Variants in GNA14 observed in about 807,000 individuals in gnomAD.
The protein encoded by GNA14 is G protein subunit alpha 14, also known as guanine nucleotide-binding protein subunit alpha-14.
In GNA14, 50 loss-of-function variants were observed where a neutral mutation model predicts 42.0. That is an observed-to-expected ratio of 1.19 (90% confidence interval 0.95 to 1.51). The LOEUF is 1.51. Among genes scored for constraint, GNA14 ranks in the 40% most tolerant of loss-of-function variants. The pLI is 0.00. For synonymous variants in GNA14, 173 were observed against 163.1 expected (o/e 1.06, Z -0.46); for missense variants, 473 against 446.2 (o/e 1.06, Z -0.54).
intron 2 of GNA14, among the ~76,000 whole-genome samples, chr9:77,521,083 A>T (rs527516360): frequency 6.6e-6 from 1 of 152,212 alleles, no homozygotes; most frequent in Non-Finnish European, 1.5e-5. Flanking sequence ...TAAAGTAAAC[A>T]CTGATTAATC....
chr9:77,472,817 T>TCC (rs1554690191), intron 2 of GNA14, among the ~76,000 whole-genome samples: 5 of 148,446 alleles, frequency 3.4e-5, no homozygotes, highest in African/African-American at 1.3e-4. Flanking sequence ...TCTCTCTCTC[T>TCC]CCTCCAAGCC....
At chr9:77,557,779 A>C (rs1232530611) in intron 1 of GNA14, among the ~76,000 whole-genome samples, 1 of 152,202 alleles carries the variant, frequency 6.6e-6, no homozygotes, top group Admixed American at 6.5e-5. Flanking sequence ...TCCCTAATCA[A>C]GAATGAAGAG....
intron 3 of GNA14, 118 bp from the exon 4 acceptor site, chr9:77,431,567 T>C (rs1365948859): frequency 3.5e-6 from 3 of 851,464 alleles, no homozygotes; most frequent in Non-Finnish European, 5.5e-6. Flanking sequence ...ACGAATTCCA[T>C]CAATGACTTT....
chr9:77,475,866 G>A (rs534000042), intron 2 of GNA14, among the ~76,000 whole-genome samples: 40 of 152,282 alleles, frequency 2.6e-4, no homozygotes, highest in African/African-American at 9.6e-4. Flanking sequence ...GGGTTGGGGT[G>A]TTGGGGTTCT....
At chr9:77,596,250 A>C (rs1008417240) in intron 1 of GNA14, among the ~76,000 whole-genome samples, 3 of 151,970 alleles carry the variant, frequency 2.0e-5, no homozygotes, top group Non-Finnish European at 2.9e-5. Context: ...ATTAACAAAA[A>C]GATATAATTT....
intron 1 of GNA14, among the ~76,000 whole-genome samples, chr9:77,609,475 A>G (rs1413839902): frequency 6.6e-6 from 1 of 152,146 alleles, no homozygotes. Flanking sequence ...AAACTCTTCC[A>G]TGCTCTACCC....
At chr9:77,640,097 C>A (rs1216192939) in intron 1 of GNA14, among the ~76,000 whole-genome samples, 1 of 152,328 alleles carries the variant, frequency 6.6e-6, no homozygotes, top group East Asian at 1.9e-4. Context: ...CCTGATGCCA[C>A]AACCTGGCTA....
At chr9:77,443,900 T>C (rs1402887522) in intron 2 of GNA14, among the ~76,000 whole-genome samples, 1 of 152,228 alleles carries the variant, frequency 6.6e-6, no homozygotes, top group Non-Finnish European at 1.5e-5. Context: ...GAGGATCATT[T>C]GAACCCAGGT....
intron 1 of GNA14, among the ~76,000 whole-genome samples, chr9:77,631,417 T>TA (rs975788457): frequency 6.7e-4 from 101 of 150,274 alleles, no homozygotes; most frequent in African/African-American, 2.3e-3. Flanking sequence ...AGAGAATCTG[T>TA]ATTCAGGAGA....
At chr9:77,530,030 T>C (rs549387800) in intron 1 of GNA14, among the ~76,000 whole-genome samples, 1 of 152,286 alleles carries the variant, frequency 6.6e-6, no homozygotes, top group South Asian at 2.1e-4. Context: ...TGGCACCCCT[T>C]TACCATGTTT....
intron 1 of GNA14, among the ~76,000 whole-genome samples, chr9:77,637,725 A>G (rs1346065610): frequency 4.6e-5 from 7 of 152,170 alleles, no homozygotes; most frequent in Non-Finnish European, 7.4e-5. Flanking sequence ...GTGTGGTAGC[A>G]TGCCTGTAGT....
chr9:77,474,767 A>G (rs1239185220), intron 2 of GNA14, among the ~76,000 whole-genome samples: 1 of 152,238 alleles, frequency 6.6e-6, no homozygotes, highest in Admixed American at 6.5e-5. Context: ...TGATGTATGG[A>G]TAAACAAAAC....
At chr9:77,593,347 A>G (rs1823417574) in intron 1 of GNA14, among the ~76,000 whole-genome samples, 1 of 122,338 alleles carries the variant, frequency 8.2e-6, no homozygotes, top group African/African-American at 6.6e-5. Flanking sequence ...TTTTTTTTTG[A>G]AACGGAGTCT....
intron 2 of GNA14, among the ~76,000 whole-genome samples, chr9:77,497,615 T>C (rs1445365543): frequency 2.0e-5 from 3 of 151,940 alleles, no homozygotes; most frequent in African/African-American, 7.3e-5. Context: ...GTGAACTTCC[T>C]GAGCGTGGAG....
intron 1 of GNA14, among the ~76,000 whole-genome samples, chr9:77,613,624 C>T (rs1823764678): frequency 1.3e-5 from 2 of 152,178 alleles, no homozygotes; most frequent in Non-Finnish European, 2.9e-5. Context: ...AATGGTTACA[C>T]AGGTATCTAC....
rs1348414974 is a variant in GNA14, at chr9:77,647,717, CGAA to C, written c.74_76del (p.Leu25del). 6.2e-7 allele frequency: 1 copy of C among 1,610,180 alleles called. No individual in the cohort carries two copies. Among genetic ancestry groups the C allele is most frequent in the South Asian group, 1.1e-5 (1 of 90,198 alleles). Reference sequence around the variant, plus strand: ...ACGGCGCGCGTCCTTCTTGTCCCGACGAAGCTGTCGCTCGATCTCCGCGCTGAT... The same window carrying C: ...ACGGCGCGCGTCCTTCTTGTCCCGACGCTGTCGCTCGATCTCCGCGCTGAT... On this transcript the variant is annotated inframe_deletion, in exon 1 of 7. Coordinates refer to ENST00000341700, the MANE Select transcript of GNA14 (RefSeq NM_004297.4).
At chr9:77,493,016 A>ATATATATAT (rs1256212803) in intron 2 of GNA14, among the ~76,000 whole-genome samples, 3 of 91,636 alleles carry the variant, frequency 3.3e-5, no homozygotes, top group South Asian at 3.1e-4. Context: ...AAAAAAAAAA[A>ATATATATAT]AAAAAAAAAA....
At chr9:77,478,450 C>T (rs1157934062) in intron 2 of GNA14, among the ~76,000 whole-genome samples, 3 of 152,016 alleles carry the variant, frequency 2.0e-5, no homozygotes, top group African/African-American at 4.8e-5. Flanking sequence ...GGGTTGGTTC[C>T]AAGTCTTTGC....
chr9:77,464,099 C>T, intron 2 of GNA14, among the ~76,000 whole-genome samples: 1 of 152,028 alleles, frequency 6.6e-6, no homozygotes, highest in East Asian at 1.9e-4. Context: ...CTCCTGGGCT[C>T]AAGTCATTGC....
Sources: allele counts gnomAD v4.1 joint callset (sites outside exome capture counted in the v4.1 genomes callset), GRCh38; gene constraint gnomAD v4.1.1; transcripts MANE v1.5; gene names NCBI Gene and HGNC (gene_info 2026-07-23, HGNC 2026-07-21).